The following TRIM5 variants were observed in gnomAD, a reference collection of about 807,000 sequenced individuals.
The protein encoded by TRIM5 is tripartite motif-containing protein 5.
TRIM5 carries 31 observed loss-of-function variants against 35.6 expected under a neutral mutation model. The observed-to-expected ratio is 0.87, with a 90% CI of 0.65 to 1.18. The LOEUF is 1.18. Ranked by LOEUF, TRIM5 falls within the 50% of genes most tolerant of loss-of-function variation. TRIM5 has a pLI of 0.00. For missense variants in TRIM5, 609 were observed against 591.6 expected (o/e 1.03, Z -0.31); for synonymous variants, 243 against 215.6 (o/e 1.13, Z -1.11).
At chr11:5,636,131 CT>C in the TRIM5 span, among the ~76,000 whole-genome samples, 2 of 152,164 alleles carry the variant, frequency 1.3e-5, no homozygotes, top group Non-Finnish European at 2.9e-5. Flanking sequence ...CTCGTATCTC[CT>C]TAAACTGATG....
the TRIM5 span, chr11:5,610,451 T>A: frequency 6.2e-7 from 1 of 1,609,372 alleles, no homozygotes. Context: ...TCCTCACCAT[T>A]CCCCTCAATG....
rs574858103 is a variant in TRIM5 at position 5,665,345 on chromosome 11, C to G, written c.946G>C (p.Asp316His). The change falls in exon 8 of 8, where the codon GAT becomes CAT. Residue 316 changes from aspartate to histidine, a missense_variant. Physicochemically the swap from Asp to His is moderately conservative, Grantham distance 81. Coordinates refer to ENST00000380034, the MANE Select transcript of TRIM5 (RefSeq NM_033034.3). ...NNISCAVISEDKRQVSSPKPQ... is the reference protein window; with the variant it reads ...NNISCAVISEHKRQVSSPKPQ... ...TTCGGAGAGCTCACTTGTCTCTTAT[C>G]TTCAGAAATGACAGCACATGAAATG... is the stretch of plus-strand genomic sequence containing the variant. The G allele has an allele frequency of 6.2e-7, 1 of 1,613,296 alleles. No individual in the cohort carries two copies. Among genetic ancestry groups the G allele is most frequent in the Admixed American group, 1.7e-5 (1 of 59,826 alleles).
chr11:5,622,351 AGG>A, the TRIM5 span, among the ~76,000 whole-genome samples: 1 of 151,878 alleles, frequency 6.6e-6, no homozygotes, highest in Middle Eastern at 3.2e-3. Flanking sequence ...AGGCTGAGGA[AGG>A]AGAATGGCGT....
chr11:5,610,483 A>C, the TRIM5 span: 13 of 1,613,692 alleles, frequency 8.1e-6, no homozygotes, highest in South Asian at 1.2e-4. Context: ...GAGATACCAG[A>C]CATGAGACAG....
At chr11:5,641,361 T>C in the TRIM5 span, 1 of 1,439,604 alleles carries the variant, frequency 6.9e-7, no homozygotes, top group Admixed American at 2.5e-5. Flanking sequence ...TCCGTAACTA[T>C]TAATGGACTC....
chr11:5,621,090 T>A, the TRIM5 span, among the ~76,000 whole-genome samples: 1 of 152,180 alleles, frequency 6.6e-6, no homozygotes, highest in African/African-American at 2.4e-5. Context: ...CCAGCACTCA[T>A]CCATAGCAAC....
At chr11:5,623,582 A>G in the TRIM5 span, among the ~76,000 whole-genome samples, 4 of 140,930 alleles carry the variant, frequency 2.8e-5, no homozygotes, top group African/African-American at 2.7e-5. Flanking sequence ...GGGTTTCACC[A>G]TGTTAGCCAG....
At chr11:5,634,008 T>G in the TRIM5 span, 3 of 1,162,276 alleles carry the variant, frequency 2.6e-6, no homozygotes, top group South Asian at 3.0e-5. Flanking sequence ...CTGAAGCCAT[T>G]TGATTAGTTC....
chr11:5,611,768 AAC>A, the TRIM5 span: 106 of 186,754 alleles, frequency 5.7e-4, no homozygotes, highest in South Asian at 0.011. Context: ...TTTCGTTTTA[AAC>A]AGTTACTCAG....
chr11:5,671,957 G>GA (rs1416390086), intron 4 of TRIM5, among the ~76,000 whole-genome samples: 9 of 151,876 alleles, frequency 5.9e-5, no homozygotes, highest in Admixed American at 5.9e-4. Flanking sequence ...TCAAGGCAAA[G>GA]AAAAAACTAA....
At chr11:5,669,744 T>C (rs1014178800) in intron 4 of TRIM5, among the ~76,000 whole-genome samples, 8 of 152,208 alleles carry the variant, frequency 5.3e-5, no homozygotes, top group Non-Finnish European at 1.2e-4. Context: ...CTGCCTGTGA[T>C]CCCAGCACTT....
At chr11:5,619,361 T>C in the TRIM5 span, among the ~76,000 whole-genome samples, 1 of 152,228 alleles carries the variant, frequency 6.6e-6, no homozygotes, top group Non-Finnish European at 1.5e-5. Flanking sequence ...GTTCTTTGTC[T>C]TATTTGGAGA....
chr11:5,646,936 T>TA, the TRIM5 span, among the ~76,000 whole-genome samples: 3 of 152,222 alleles, frequency 2.0e-5, no homozygotes, highest in South Asian at 2.1e-4. Context: ...TAATGGATTT[T>TA]AAAAAAAACA....
chr11:5,676,684 A>G (rs1250711730), intron 4 of TRIM5, among the ~76,000 whole-genome samples: 334 of 149,582 alleles, frequency 2.2e-3, no homozygotes, highest in African/African-American at 7.4e-3. Flanking sequence ...GAGGCATCAC[A>G]CTACCTGACT....
At chr11:5,648,273 A>G in the TRIM5 span, among the ~76,000 whole-genome samples, 90,357 of 151,834 alleles carry the variant, frequency 0.6, 27,309 homozygotes, top group African/African-American at 0.69. Context: ...TTGGGAGGCC[A>G]AGGCAGGTGG....
the TRIM5 span, chr11:5,596,553 C>CCCTTCCCCTCCCCCCTTCCA: frequency 8.6e-6 from 1 of 116,274 alleles, no homozygotes; most frequent in Non-Finnish European, 1.8e-5. Context: ...TCCCCCTTCC[C>CCCTTCCCCTCCCCCCTTCCA]CCTTCCCCTC....
chr11:5,675,174 G>A (rs1020422049), intron 4 of TRIM5, among the ~76,000 whole-genome samples: 12 of 151,280 alleles, frequency 7.9e-5, no homozygotes, highest in African/African-American at 2.9e-4. Context: ...GATTACAGGT[G>A]CCCGCCACCA....
chr11:5,643,942 T>A, the TRIM5 span: 1 of 563,204 alleles, frequency 1.8e-6, no homozygotes, highest in Non-Finnish European at 3.0e-6. Context: ...CACAGCAGTA[T>A]GGGTATAACA....
the TRIM5 span, chr11:5,632,550 T>G: frequency 6.2e-7 from 1 of 1,613,946 alleles, no homozygotes; most frequent in Non-Finnish European, 8.5e-7. Context: ...CTAATCAGCA[T>G]CTGGCCAACA....
Sources: allele counts gnomAD v4.1 joint callset (sites outside exome capture counted in the v4.1 genomes callset), GRCh38; gene constraint gnomAD v4.1.1; transcripts MANE v1.5; gene names NCBI Gene and HGNC (gene_info 2026-07-23, HGNC 2026-07-21).